The following CSRNP3 variants were observed in gnomAD, a reference collection of about 807,000 sequenced individuals.
CSRNP3 encodes the protein cysteine/serine-rich nuclear protein 3.
CSRNP3 carries 12 observed loss-of-function variants against 48.0 expected under a neutral mutation model. The ratio of observed to expected loss-of-function variants is 0.25; its 90% CI spans 0.16 to 0.41. The LOEUF (loss-of-function observed/expected upper bound fraction) is 0.41. Ranked by LOEUF, CSRNP3 falls within the 10% of genes least tolerant of loss-of-function variation. The probability of loss-of-function intolerance (pLI) is 1.00; values close to 1 mark genes in which losing one functional copy is unlikely to be tolerated. For missense variants in CSRNP3, 580 were observed against 724.4 expected, an observed-to-expected ratio of 0.80 and a Z score of 2.29; for synonymous variants, 263 against 269.7, an observed-to-expected ratio of 0.98 and a Z score of 0.24.
chr2:165,665,775 A>AAG (rs10645178), intron 5 of CSRNP3, among the ~76,000 whole-genome samples: 26,873 of 131,050 alleles, frequency 0.21, 2,727 homozygotes, highest in East Asian at 0.27. Flanking sequence ...AAAAGAAAGA[A>AAG]AGAGAGAGAG....
At chr2:165,508,539 C>T (rs1684458456) in intron 2 of CSRNP3, among the ~76,000 whole-genome samples, 1 of 152,014 alleles carries the variant, frequency 6.6e-6, no homozygotes, top group African/African-American at 2.4e-5. Context: ...TCTCTTGCCC[C>T]TGCGAGTAAC....
At chr2:165,668,776 G>A (rs140701379) in intron 5 of CSRNP3, among the ~76,000 whole-genome samples, 2 of 152,212 alleles carry the variant, frequency 1.3e-5, no homozygotes, top group Non-Finnish European at 2.9e-5. Flanking sequence ...ACAGCACTGA[G>A]ATCAGCTCTT....
chr2:165,639,412 G>A (rs1013609921), intron 4 of CSRNP3, among the ~76,000 whole-genome samples: 1 of 152,082 alleles, frequency 6.6e-6, no homozygotes, highest in African/African-American at 2.4e-5. Context: ...AAATAAATTC[G>A]GAATCTATAA....
At chr2:165,500,285 A>G (rs529347561) in intron 2 of CSRNP3, among the ~76,000 whole-genome samples, 1 of 151,196 alleles carries the variant, frequency 6.6e-6, no homozygotes, top group South Asian at 2.1e-4. Flanking sequence ...ATCATGTGAG[A>G]TGGAAAATGC....
At chr2:165,553,836 A>G (rs570228582) in intron 3 of CSRNP3, among the ~76,000 whole-genome samples, 355 of 152,214 alleles carry the variant, frequency 2.3e-3, no homozygotes, top group African/African-American at 7.8e-3. Context: ...TCCTTCTACT[A>G]TATCATTTCT....
At chr2:165,645,111 A>T (rs974070634) in intron 4 of CSRNP3, among the ~76,000 whole-genome samples, 1 of 152,112 alleles carries the variant, frequency 6.6e-6, no homozygotes, top group African/African-American at 2.4e-5. Context: ...AGGCAGGTGG[A>T]TCACTTGAGA....
intron 2 of CSRNP3, among the ~76,000 whole-genome samples, chr2:165,513,853 G>A (rs1684540860): frequency 6.6e-6 from 1 of 152,224 alleles, no homozygotes; most frequent in Admixed American, 6.5e-5. Flanking sequence ...GCTGGAACAA[G>A]GAGGTTGTCT....
intron 2 of CSRNP3, among the ~76,000 whole-genome samples, chr2:165,503,213 A>C (rs1009945601): frequency 6.6e-6 from 1 of 152,042 alleles, no homozygotes; most frequent in African/African-American, 2.4e-5. Flanking sequence ...GATTTTCATA[A>C]ATTTCTATAT....
Position 165,494,757 on chromosome 2 carries a change from A to G in CSRNP3, c.-282-2A>G. The G allele has an allele frequency of 4.9e-6, 1 of 203,088 alleles. No homozygotes were observed. Among genetic ancestry groups the G allele is most frequent in the South Asian group, 1.2e-4 (1 of 8,030 alleles). 12.6% of individuals were successfully genotyped at this position (203,088 alleles called of 1,614,324 possible). A position where few individuals can be genotyped will look rare whatever the true frequency, so the allele number is the denominator to read the frequency against. ...GCTTCATTGCTCCTGTTCCTGTTAC[A>G]GGTACATGTGACAGCGTTGCAGCTA... is the stretch of plus-strand genomic sequence containing the variant. On this transcript the variant is annotated splice_acceptor_variant, in intron 1 of 6. Transcript: ENST00000651982. LOFTEE classifies it low-confidence loss of function (5UTR_SPLICE).
At chr2:165,527,560 T>C (rs553331752) in intron 3 of CSRNP3, among the ~76,000 whole-genome samples, 1 of 152,002 alleles carries the variant, frequency 6.6e-6, no homozygotes, top group South Asian at 2.1e-4. Flanking sequence ...ATTATATATG[T>C]ACACACATAT....
At chr2:165,671,529 G>A (rs543602929) in intron 5 of CSRNP3, among the ~76,000 whole-genome samples, 1 of 152,292 alleles carries the variant, frequency 6.6e-6, no homozygotes, top group African/African-American at 2.4e-5. Context: ...TGGAGCAGCT[G>A]AGACACAAGG....
intron 5 of CSRNP3, among the ~76,000 whole-genome samples, chr2:165,661,672 G>C (rs1005899524): frequency 6.6e-6 from 1 of 152,144 alleles, no homozygotes; most frequent in Non-Finnish European, 1.5e-5. Flanking sequence ...GCAGCAGAAG[G>C]GTCATTGGTA....
intron 4 of CSRNP3, among the ~76,000 whole-genome samples, chr2:165,653,256 A>G (rs890948523): frequency 1.3e-5 from 2 of 152,210 alleles, no homozygotes. Flanking sequence ...CTGATCTTGT[A>G]GTATTTTGAA....
rs1400349018 is a variant in CSRNP3 at position 165,682,365 on chromosome 2, A to G, written c.*2612A>G. 6.6e-6 allele frequency: 1 copy of G among 152,072 alleles called. No homozygotes were observed. The highest frequency in any genetic ancestry group is 2.4e-5 in the African/African-American group (1 of 41,408). The allele number at this position is 152,072 out of a possible 1,614,324, so 9.4% of individuals were successfully genotyped here. A position where few individuals can be genotyped will look rare whatever the true frequency, so the allele number is the denominator to read the frequency against. Reference sequence around the variant, plus strand: ...TCTATTCCAACTTTTCATATACCTGACTAACCTGTAAACATATCCCACAAA... The same window carrying G: ...TCTATTCCAACTTTTCATATACCTGGCTAACCTGTAAACATATCCCACAAA... On this transcript the variant is annotated 3_prime_UTR_variant, in exon 7 of 7. Transcript: ENST00000651982.
chr2:165,517,218 G>C (rs910415927), intron 2 of CSRNP3, among the ~76,000 whole-genome samples: 1 of 151,724 alleles, frequency 6.6e-6, no homozygotes, highest in African/African-American at 2.4e-5. Flanking sequence ...TTACTGCCCG[G>C]GTTTCATCAT....
intron 1 of CSRNP3, among the ~76,000 whole-genome samples, chr2:165,484,397 G>T (rs752065196): frequency 6.6e-6 from 1 of 152,058 alleles, no homozygotes; most frequent in Non-Finnish European, 1.5e-5. Flanking sequence ...ACCTAATAAG[G>T]TATCATCTTT....
chr2:165,650,755 A>G (rs1235319783), intron 4 of CSRNP3, among the ~76,000 whole-genome samples: 1 of 152,116 alleles, frequency 6.6e-6, no homozygotes, highest in African/African-American at 2.4e-5. Flanking sequence ...GATTTCAGCA[A>G]TCTCATTTCA....
intron 2 of CSRNP3, among the ~76,000 whole-genome samples, chr2:165,515,176 T>C (rs113991873): frequency 6.6e-6 from 1 of 151,598 alleles, no homozygotes; most frequent in Non-Finnish European, 1.5e-5. Context: ...AAAAAAAATA[T>C]TAGCCAGGTG....
intron 2 of CSRNP3, among the ~76,000 whole-genome samples, chr2:165,499,778 A>C (rs1684331295): frequency 6.6e-6 from 1 of 152,126 alleles, no homozygotes; most frequent in Non-Finnish European, 1.5e-5. Context: ...CAGCACATAA[A>C]AACTTGGAAA....
Sources: gnomAD v4.1 joint callset for allele counts (sites outside exome capture counted in the v4.1 genomes callset) on GRCh38, gnomAD v4.1.1 for gene constraint, MANE v1.5 for transcripts, NCBI Gene and HGNC (gene_info 2026-07-23, HGNC 2026-07-21) for gene names.